The following MACROD2 variants were observed in gnomAD, a reference collection of about 807,000 sequenced individuals.
MACROD2 encodes the protein ADP-ribose glycohydrolase MACROD2.
A neutral mutation model predicts 70.4 loss-of-function variants in MACROD2; 36 were observed. That is an observed-to-expected ratio of 0.51 (90% CI 0.39 to 0.68). MACROD2 has a LOEUF of 0.68. Among genes scored for constraint, MACROD2 ranks in the 30% least tolerant of loss-of-function variants. The pLI is 0.00. For synonymous variants in MACROD2, 172 were observed against 178.8 expected, an observed-to-expected ratio of 0.96 and a Z score of 0.30; for missense variants, 496 against 538.4, an observed-to-expected ratio of 0.92 and a Z score of 0.78.
At chr20:14,106,365 G>A (rs553865994) in intron 3 of MACROD2, among the ~76,000 whole-genome samples, 1 of 152,180 alleles carries the variant, frequency 6.6e-6, no homozygotes, top group Non-Finnish European at 1.5e-5. Context: ...TGGTTTGAGT[G>A]CCAGCTTAAC....
chr20:14,890,169 A>C lies in MACROD2; in HGVS notation c.418+205210A>C, dbSNP rs1455207377. On this transcript the variant is annotated intron_variant, in intron 5 of 17. Transcript: ENST00000684519. Reference sequence around the variant, plus strand: ...GAAGAATTTAAGTTTGAACGTGTCAAGTGGAAGATATATAAGTCAGGAGAG... The same window carrying C: ...GAAGAATTTAAGTTTGAACGTGTCACGTGGAAGATATATAAGTCAGGAGAG... Among the ~76,000 whole-genome samples the C allele has an allele frequency of 3.9e-5, 6 of 152,216 alleles. No homozygotes were observed. In the East Asian group the frequency reaches 1.2e-3, roughly 30 times the overall value.
chr20:15,918,572 C>T (rs2065354433), intron 10 of MACROD2, among the ~76,000 whole-genome samples: 1 of 152,158 alleles, frequency 6.6e-6, no homozygotes, highest in African/African-American at 2.4e-5. Flanking sequence ...AAGCAAAAAT[C>T]TTCTGGGTTC....
intron 7 of MACROD2, among the ~76,000 whole-genome samples, chr20:15,460,841 A>G (rs1184613260): frequency 1.3e-5 from 2 of 151,610 alleles, no homozygotes; most frequent in African/African-American, 4.8e-5. Context: ...TATGAAATCA[A>G]CTGTTTTCAG....
intron 5 of MACROD2, among the ~76,000 whole-genome samples, chr20:15,218,572 C>T (rs771278849): frequency 3.8e-4 from 58 of 152,164 alleles, no homozygotes; most frequent in Admixed American, 8.5e-4. Flanking sequence ...AAGCTGCTCC[C>T]ACCCTTCTCT....
intron 3 of MACROD2, among the ~76,000 whole-genome samples, chr20:14,278,668 T>C (rs1277075743): frequency 6.6e-6 from 1 of 152,192 alleles, no homozygotes; most frequent in Non-Finnish European, 1.5e-5. Context: ...TGGAATTTAC[T>C]TCACATTAAT....
At chr20:14,575,812 A>C (rs1713867029) in intron 4 of MACROD2, among the ~76,000 whole-genome samples, 2 of 152,238 alleles carry the variant, frequency 1.3e-5, no homozygotes, top group South Asian at 4.1e-4. Context: ...TGTTCTACAC[A>C]GGTCAATGAC....
chr20:15,626,218 T>A (rs1294237376), intron 8 of MACROD2, among the ~76,000 whole-genome samples: 1 of 150,974 alleles, frequency 6.6e-6, no homozygotes, highest in Non-Finnish European at 1.5e-5. Context: ...GTCTGCAACA[T>A]GAAGGATTTA....
At chr20:16,022,393 A>G (rs1318061004) in intron 15 of MACROD2, among the ~76,000 whole-genome samples, 3 of 152,094 alleles carry the variant, frequency 2.0e-5, no homozygotes, top group African/African-American at 7.2e-5. Flanking sequence ...TATGTAATTA[A>G]TAAAATTTCT....
intron 8 of MACROD2, among the ~76,000 whole-genome samples, chr20:15,779,739 C>G (rs1005597258): frequency 2.0e-5 from 3 of 152,124 alleles, no homozygotes; most frequent in Admixed American, 6.5e-5. Context: ...AAAGACTTAC[C>G]TTTCTGCCAG....
chr20:14,491,204 C>T (rs1154647), intron 3 of MACROD2, among the ~76,000 whole-genome samples: 33,183 of 152,026 alleles, frequency 0.22, 4,163 homozygotes, highest in South Asian at 0.32. Flanking sequence ...AAAGTTTCAC[C>T]TTTACTTGCG....
chr20:15,569,573 A>G (rs1304550087), intron 8 of MACROD2, among the ~76,000 whole-genome samples: 1 of 152,178 alleles, frequency 6.6e-6, no homozygotes, highest in African/African-American at 2.4e-5. Flanking sequence ...CCTGGTAACC[A>G]CCATTCTACG....
chr20:14,691,957 T>A (rs1428074350), intron 5 of MACROD2, among the ~76,000 whole-genome samples: 3 of 152,214 alleles, frequency 2.0e-5, no homozygotes, highest in African/African-American at 7.2e-5. Context: ...GAATTCAGGT[T>A]TTATTTGAAT....
intron 5 of MACROD2, among the ~76,000 whole-genome samples, chr20:15,024,817 G>T (rs914408198): frequency 2.2e-4 from 33 of 152,178 alleles, no homozygotes; most frequent in African/African-American, 7.5e-4. Flanking sequence ...TAGTGTTGTA[G>T]GTATTTTGTT....
chr20:14,500,399 G>A (rs2084903661), intron 4 of MACROD2, among the ~76,000 whole-genome samples: 1 of 152,172 alleles, frequency 6.6e-6, no homozygotes, highest in Non-Finnish European at 1.5e-5. Context: ...TCTCAGTCTA[G>A]GGACCATCTC....
intron 5 of MACROD2, among the ~76,000 whole-genome samples, chr20:15,133,703 G>T (rs1555785779): frequency 6.6e-6 from 1 of 152,040 alleles, no homozygotes; most frequent in Admixed American, 6.6e-5. Flanking sequence ...CAACATGTTT[G>T]TACAATGATG....
intron 3 of MACROD2, among the ~76,000 whole-genome samples, chr20:14,244,426 G>A (rs994067575): frequency 6.6e-6 from 1 of 152,158 alleles, no homozygotes; most frequent in African/African-American, 2.4e-5. Context: ...CAAAAGAGGT[G>A]TCATGAAGAA....
At chr20:14,418,154 C>T (rs961203212) in intron 3 of MACROD2, among the ~76,000 whole-genome samples, 1 of 151,970 alleles carries the variant, frequency 6.6e-6, no homozygotes, top group African/African-American at 2.4e-5. Context: ...GCTGTCATAC[C>T]CTGTGATGAA....
chr20:15,822,504 C>G (rs2063949973), intron 8 of MACROD2, among the ~76,000 whole-genome samples: 1 of 152,040 alleles, frequency 6.6e-6, no homozygotes, highest in Non-Finnish European at 1.5e-5. Flanking sequence ...AGGAATGAAA[C>G]TGAAAGTTAT....
chr20:15,191,931 T>TATATAGAG (rs150210305), intron 5 of MACROD2, among the ~76,000 whole-genome samples: 2,887 of 142,356 alleles, frequency 0.02, 80 homozygotes, highest in African/African-American at 0.029. Flanking sequence ...TATATATATA[T>TATATAGAG]AGAGAGAGAG....
Sources: gnomAD v4.1 joint callset for allele counts (sites outside exome capture counted in the v4.1 genomes callset) on GRCh38, gnomAD v4.1.1 for gene constraint, MANE v1.5 for transcripts, NCBI Gene and HGNC (gene_info 2026-07-23, HGNC 2026-07-21) for gene names.